Variants in SHROOM3 observed in about 807,000 individuals in gnomAD.
SHROOM3 encodes the protein shroom family member 3.
Under a neutral mutation model 138.6 loss-of-function variants are expected in SHROOM3, and 47 were observed. The observed-to-expected ratio is 0.34, with a 90% CI of 0.27 to 0.43. The LOEUF (loss-of-function observed/expected upper bound fraction) is 0.43, where lower values mean the gene tolerates loss of function less well. SHROOM3 is among the 20% of genes least tolerant of loss of function. The pLI, the probability that SHROOM3 is intolerant of heterozygous loss-of-function variation, is 1.00. For synonymous variants in SHROOM3, 1,062 were observed against 1,063.3 expected, an observed-to-expected ratio of 1.00 and a Z score of 0.02; for missense variants, 2,491 against 2,596.5, an observed-to-expected ratio of 0.96 and a Z score of 0.88.
chr4:76,553,581 C>T lies in SHROOM3; in HGVS notation c.169-2028C>T, dbSNP rs533174649. Among the ~76,000 whole-genome samples, 155 of 152,196 alleles carry T rather than the reference C, an allele frequency of 1.0e-3. 1 individual carries two copies. Among genetic ancestry groups the T allele is most frequent in the Middle Eastern group, 6.8e-3 (2 of 294 alleles). The stretch of plus-strand genomic sequence containing the variant: ...ATGAGACACCGCACGAGGCCCACCT[C>T]GTGGTTTCAAGCGATTCTCCCACTT... On this transcript the variant is annotated intron_variant, in intron 1 of 10. Coordinates refer to ENST00000296043, the MANE Select transcript of SHROOM3 (RefSeq NM_020859.4).
chr4:76,487,381 AT>A (rs1294349536), intron 1 of SHROOM3, among the ~76,000 whole-genome samples: 2 of 152,198 alleles, frequency 1.3e-5, no homozygotes, highest in Non-Finnish European at 2.9e-5. Context: ...TTTTTTGGCT[AT>A]TATGAATAGT....
intron 1 of SHROOM3, among the ~76,000 whole-genome samples, chr4:76,542,902 A>G (rs1340042979): frequency 6.6e-6 from 1 of 152,190 alleles, no homozygotes; most frequent in African/African-American, 2.4e-5. Context: ...AGGCCTTGGT[A>G]GAAAGGAATA....
At chr4:76,510,405 C>T (rs770703182) in intron 1 of SHROOM3, among the ~76,000 whole-genome samples, 1 of 152,244 alleles carries the variant, frequency 6.6e-6, no homozygotes, top group Non-Finnish European at 1.5e-5. Context: ...AGTTCTCTCT[C>T]TGCCAGATGT....
chr4:76,595,378 G>A lies in SHROOM3; in HGVS notation c.323+39615G>A, dbSNP rs72868142. Among the ~76,000 whole-genome samples, 1,380 of 152,286 alleles carry A rather than the reference G, an allele frequency of 9.1e-3. 15 individuals carry two copies. Among genetic ancestry groups the A allele is most frequent in the African/African-American group, 0.032 (1,311 of 41,548 alleles). On this transcript the variant is annotated intron_variant, in intron 2 of 10. Coordinates refer to ENST00000296043, the MANE Select transcript of SHROOM3 (RefSeq NM_020859.4). ...AGGGTTAATTTAATGGCATGGTGAT[G>A]TCATCAAAGCTCCAGGTTTGTCTGT...
chr4:76,757,194 G>T, intron 8 of SHROOM3: 1 of 464,544 alleles, frequency 2.2e-6, no homozygotes, highest in Non-Finnish European at 3.9e-6. Flanking sequence ...GTCAAACATT[G>T]TATTAATTTA....
chr4:76,676,178 A>C (rs1719020907), intron 2 of SHROOM3, among the ~76,000 whole-genome samples: 1 of 152,222 alleles, frequency 6.6e-6, no homozygotes, highest in African/African-American at 2.4e-5. Context: ...AATTTGGTTC[A>C]TAAATTCAGG....
rs556940439 is a variant in SHROOM3 at position 76,449,023 on chromosome 4, T to G, written c.168+12803T>G. Among the ~76,000 whole-genome samples the G allele has an allele frequency of 1.1e-4, 17 of 152,310 alleles. 1 individual carries two copies. Among genetic ancestry groups the G allele is most frequent in the Admixed American group, 9.8e-4 (15 of 15,296 alleles). ...CATGGGATGGGTGTGTTTTCTCTTTTCTCCACAGAATTGACTGAAAAGTCT... is the reference window on the plus strand; with the variant it reads ...CATGGGATGGGTGTGTTTTCTCTTTGCTCCACAGAATTGACTGAAAAGTCT... On this transcript the variant is annotated intron_variant, in intron 1 of 10. Transcript: ENST00000296043.
At chr4:76,457,736 C>T (rs998290283) in intron 1 of SHROOM3, among the ~76,000 whole-genome samples, 8 of 151,422 alleles carry the variant, frequency 5.3e-5, no homozygotes, top group Non-Finnish European at 1.0e-4. Context: ...AGGATCTGCC[C>T]GCCTTGGCCT....
At chr4:76,656,690 G>A (rs1736071527) in intron 2 of SHROOM3, among the ~76,000 whole-genome samples, 1 of 152,176 alleles carries the variant, frequency 6.6e-6, no homozygotes, top group African/African-American at 2.4e-5. Flanking sequence ...GGCTTGAACT[G>A]AATAGGAGCA....
At chr4:76,502,965 T>G (rs1271638944) in intron 1 of SHROOM3, among the ~76,000 whole-genome samples, 1 of 152,196 alleles carries the variant, frequency 6.6e-6, no homozygotes, top group Non-Finnish European at 1.5e-5. Flanking sequence ...TATGGTTGTT[T>G]TCTTGTATGC....
intron 2 of SHROOM3, chr4:76,639,453 T>C (rs920377307): frequency 5.0e-6 from 2 of 396,590 alleles, no homozygotes; most frequent in Non-Finnish European, 8.9e-6. Flanking sequence ...AGTTCTATTG[T>C]TTTTATAACC....
At chr4:76,719,159 G>A (rs1253827394) in intron 3 of SHROOM3, among the ~76,000 whole-genome samples, 1 of 152,160 alleles carries the variant, frequency 6.6e-6, no homozygotes, top group Non-Finnish European at 1.5e-5. Flanking sequence ...AACATTTCTA[G>A]CCCTCTGCAG....
chr4:76,471,279 T>C (rs1731365713), intron 1 of SHROOM3, among the ~76,000 whole-genome samples: 3 of 151,294 alleles, frequency 2.0e-5, no homozygotes, highest in Non-Finnish European at 4.4e-5. Context: ...AGTCTCACTC[T>C]GTCGCCCAGG....
intron 2 of SHROOM3, among the ~76,000 whole-genome samples, chr4:76,592,733 A>G (rs891745958): frequency 2.6e-5 from 4 of 152,196 alleles, no homozygotes; most frequent in African/African-American, 4.8e-5. Context: ...AATTTCAGCT[A>G]CAAAAGTCTT....
chr4:76,534,735 A>T (rs1472535457), intron 1 of SHROOM3, among the ~76,000 whole-genome samples: 1 of 151,920 alleles, frequency 6.6e-6, no homozygotes, highest in Non-Finnish European at 1.5e-5. Context: ...TGGGTACTCT[A>T]CCCATTGTCC....
At chr4:76,620,179 G>A (rs766835865) in intron 2 of SHROOM3, among the ~76,000 whole-genome samples, 2 of 152,054 alleles carry the variant, frequency 1.3e-5, no homozygotes, top group South Asian at 4.1e-4. Context: ...GAATTGTGAG[G>A]TTGTTAGTAG....
intron 1 of SHROOM3, among the ~76,000 whole-genome samples, chr4:76,514,580 T>C (rs946128174): frequency 6.6e-6 from 1 of 152,192 alleles, no homozygotes. Context: ...GTGGTCCTAG[T>C]TCCACAACTC....
At chr4:76,625,621 C>T (rs1735118134) in intron 2 of SHROOM3, among the ~76,000 whole-genome samples, 1 of 152,108 alleles carries the variant, frequency 6.6e-6, no homozygotes, top group African/African-American at 2.4e-5. Flanking sequence ...CATACCTGAC[C>T]ACAGCATCCT....
chr4:76,757,954 A>T (rs980863985), intron 8 of SHROOM3: 2 of 152,226 alleles, frequency 1.3e-5, no homozygotes, highest in Non-Finnish European at 2.9e-5. Context: ...ATTGCATTTT[A>T]AAAATTTCCA....
Sources: gnomAD v4.1 joint callset for allele counts (sites outside exome capture counted in the v4.1 genomes callset) on GRCh38, gnomAD v4.1.1 for gene constraint, MANE v1.5 for transcripts, NCBI Gene and HGNC (gene_info 2026-07-23, HGNC 2026-07-21) for gene names.